CLVS1: variants seen among roughly 807,000 people sequenced by gnomAD.
The protein encoded by CLVS1 is clavesin 1.
CLVS1 carries 10 observed loss-of-function variants against 33.1 expected under a neutral mutation model. The ratio of observed to expected loss-of-function variants is 0.30; its 90% CI spans 0.19 to 0.51. CLVS1 has a LOEUF of 0.51. Ranked by LOEUF, CLVS1 falls within the 20% of genes least tolerant of loss-of-function variation. The pLI, the probability that CLVS1 is intolerant of heterozygous loss-of-function variation, is 0.97. For missense variants in CLVS1, 343 were observed against 433.4 expected (o/e 0.79, Z 1.85); for synonymous variants, 163 against 166.1 (o/e 0.98, Z 0.14).
At chr8:61,322,989 G>A (rs1811253999) in intron 2 of CLVS1, among the ~76,000 whole-genome samples, 1 of 152,120 alleles carries the variant, frequency 6.6e-6, no homozygotes, top group Non-Finnish European at 1.5e-5. Context: ...TATCCTTAAG[G>A]AAGTGTGTAT....
the CLVS1 span, among the ~76,000 whole-genome samples, chr8:61,049,572 G>T: frequency 3.9e-5 from 6 of 152,134 alleles, no homozygotes; most frequent in Non-Finnish European, 7.4e-5. Flanking sequence ...AAACAAAATG[G>T]TAGTCAAAAA....
At chr8:61,120,691 C>G (rs1351964461) in intron 1 of CLVS1, among the ~76,000 whole-genome samples, 4 of 141,794 alleles carry the variant, frequency 2.8e-5, no homozygotes, top group Admixed American at 6.8e-5. Context: ...GCTCAGGGGT[C>G]AGGGGTCAGG....
the CLVS1 span, among the ~76,000 whole-genome samples, chr8:61,040,547 G>A: frequency 6.6e-6 from 1 of 152,144 alleles, no homozygotes; most frequent in Non-Finnish European, 1.5e-5. Flanking sequence ...GTGTGAGATG[G>A]TATCTCATTG....
chr8:61,266,311 T>G (rs1809302232), intron 2 of CLVS1, among the ~76,000 whole-genome samples: 1 of 133,106 alleles, frequency 7.5e-6, no homozygotes, highest in Admixed American at 7.8e-5. Flanking sequence ...TTTTTTTTTC[T>G]GCCTCATAAA....
chr8:61,253,236 T>G (rs1243946344), intron 2 of CLVS1, among the ~76,000 whole-genome samples: 1 of 152,230 alleles, frequency 6.6e-6, no homozygotes, highest in Non-Finnish European at 1.5e-5. Flanking sequence ...TTTAAGAATG[T>G]TGAGAATTGG....
chr8:61,334,614 C>G (rs1052344606), intron 2 of CLVS1, among the ~76,000 whole-genome samples: 1 of 152,150 alleles, frequency 6.6e-6, no homozygotes, highest in African/African-American at 2.4e-5. Context: ...TGAGAGAAAA[C>G]TAGTGAAGTA....
At chr8:61,014,877 G>C in the CLVS1 span, among the ~76,000 whole-genome samples, 1 of 152,226 alleles carries the variant, frequency 6.6e-6, no homozygotes, top group African/African-American at 2.4e-5. Flanking sequence ...CAATAAATGA[G>C]GCTGGAAGGT....
intron 2 of CLVS1, among the ~76,000 whole-genome samples, chr8:61,180,176 G>A (rs920814849): frequency 2.0e-5 from 3 of 152,072 alleles, no homozygotes; most frequent in Non-Finnish European, 4.4e-5. Context: ...TGACCCCAGA[G>A]AAATACAAAC....
chr8:61,216,758 C>G (rs1250818011), intron 2 of CLVS1, among the ~76,000 whole-genome samples: 1 of 152,226 alleles, frequency 6.6e-6, no homozygotes. Context: ...AGTTCAGCCT[C>G]TGCCTCAGAG....
intron 2 of CLVS1, among the ~76,000 whole-genome samples, chr8:61,135,267 TG>T (rs1806171819): frequency 6.6e-6 from 1 of 151,964 alleles, no homozygotes; most frequent in Admixed American, 6.6e-5. Flanking sequence ...CAAGACCTGT[TG>T]TTAGTACCCT....
chr8:61,054,775 G>A (rs1336828469), upstream of CLVS1, among the ~76,000 whole-genome samples: 1 of 152,040 alleles, frequency 6.6e-6, no homozygotes, highest in Non-Finnish European at 1.5e-5. Context: ...GCAAATAAAT[G>A]CATGAGTCAC....
intron 1 of CLVS1, among the ~76,000 whole-genome samples, chr8:61,076,218 T>G (rs530766694): frequency 2.0e-5 from 3 of 152,168 alleles, no homozygotes; most frequent in Non-Finnish European, 4.4e-5. Context: ...CTCTCCCTTT[T>G]AAAAGAACCA....
At chr8:60,973,258 T>C in the CLVS1 span, among the ~76,000 whole-genome samples, 1 of 152,350 alleles carries the variant, frequency 6.6e-6, no homozygotes, top group East Asian at 1.9e-4. Context: ...TTTCATTGGG[T>C]AGGAATATTT....
upstream of CLVS1, among the ~76,000 whole-genome samples, chr8:61,283,869 A>T (rs1358163103): frequency 1.3e-5 from 2 of 152,220 alleles, no homozygotes; most frequent in Non-Finnish European, 2.9e-5. Context: ...CTGATATCAA[A>T]GGTGGGAAAC....
intron 2 of CLVS1, among the ~76,000 whole-genome samples, chr8:61,209,415 A>G (rs1807927824): frequency 6.6e-6 from 1 of 152,228 alleles, no homozygotes; most frequent in African/African-American, 2.4e-5. Flanking sequence ...CTGAACTATG[A>G]TAGAACATTG....
intron 2 of CLVS1, among the ~76,000 whole-genome samples, chr8:61,321,149 C>T (rs1811180724): frequency 6.6e-6 from 1 of 151,978 alleles, no homozygotes; most frequent in Non-Finnish European, 1.5e-5. Flanking sequence ...TTTCATTGTC[C>T]CAGTGTAGAT....
chr8:61,126,264 C>A (rs935979910), intron 1 of CLVS1, among the ~76,000 whole-genome samples: 1 of 152,214 alleles, frequency 6.6e-6, no homozygotes, highest in Non-Finnish European at 1.5e-5. Flanking sequence ...CCAGCTCTCA[C>A]CCCATCTCCC....
chr8:61,155,027 T>G (rs536936167), intron 2 of CLVS1, among the ~76,000 whole-genome samples: 3 of 152,266 alleles, frequency 2.0e-5, no homozygotes, highest in African/African-American at 7.2e-5. Flanking sequence ...GTTGCACAGG[T>G]GCCTAGAAGG....
At chr8:61,456,539 G>A (rs1240736877) in intron 4 of CLVS1, among the ~76,000 whole-genome samples, 1 of 152,134 alleles carries the variant, frequency 6.6e-6, no homozygotes, top group African/African-American at 2.4e-5. Flanking sequence ...TTTAAATGAT[G>A]TCATTACATC....
Sources: allele counts gnomAD v4.1 joint callset (sites outside exome capture counted in the v4.1 genomes callset), GRCh38; gene constraint gnomAD v4.1.1; transcripts MANE v1.5; gene names NCBI Gene and HGNC (gene_info 2026-07-23, HGNC 2026-07-21).